Variants in ATP2C1 observed in about 807,000 individuals in gnomAD.
ATP2C1 encodes calcium-transporting ATPase type 2C member 1.
Under a neutral mutation model 120.5 loss-of-function variants are expected in ATP2C1, and 31 were observed. The observed-to-expected ratio is 0.26, with a 90% CI of 0.19 to 0.35. ATP2C1 has a LOEUF of 0.35. Among genes scored for constraint, ATP2C1 ranks in the 10% least tolerant of loss-of-function variants. The probability of loss-of-function intolerance (pLI) is 1.00; values close to 1 mark genes in which losing one functional copy is unlikely to be tolerated. For synonymous variants in ATP2C1, 351 were observed against 358.7 expected, an observed-to-expected ratio of 0.98 and a Z score of 0.24; for missense variants, 731 against 1,107.5, an observed-to-expected ratio of 0.66 and a Z score of 4.83.
chr3:130,960,305 G>A (rs533818085), intron 12 of ATP2C1, among the ~76,000 whole-genome samples: 9 of 152,246 alleles, frequency 5.9e-5, no homozygotes, highest in East Asian at 3.9e-4. Context: ...CTGAGAGTCC[G>A]CAGCAGTCCA....
rs186240603 is a variant in ATP2C1, at chr3:131,002,902, A to C, written c.*1552A>C. ...TTTAAGGCTGAATTGTCAAATGTAC[A>C]TTGTTCCATGTCGTTAGATGGAACA... On this transcript the variant is annotated 3_prime_UTR_variant, in exon 28 of 28. Transcript: ENST00000510168. 2.0e-5 allele frequency: 20 copies of C among 985,820 alleles called. No individual in the cohort carries two copies. The East Asian group carries it at 1.9e-3, about 95-fold the overall frequency. 61.1% of individuals were successfully genotyped at this position (985,820 alleles called of 1,614,324 possible).
intron 26 of ATP2C1, among the ~76,000 whole-genome samples, chr3:131,008,822 G>A (rs1244840765): frequency 6.6e-6 from 1 of 152,186 alleles, no homozygotes; most frequent in Non-Finnish European, 1.5e-5. Context: ...CAGATTTGAT[G>A]TCAGTGACTA....
chr3:130,937,481 C>A lies in ATP2C1; in HGVS notation c.360+18C>A. On this transcript the variant is annotated intron_variant, in intron 6 of 27. Coordinates refer to ENST00000510168, the MANE Select transcript of ATP2C1 (RefSeq NM_001378687.1). ...TTGTTCAGGTAAGTACTCTATTTTGCCAACATGAAAATGGTATGTTAATTG... is the reference window on the plus strand; with the variant it reads ...TTGTTCAGGTAAGTACTCTATTTTGACAACATGAAAATGGTATGTTAATTG... 1 of 1,608,800 alleles carries A rather than the reference C, an allele frequency of 6.2e-7. No individual in the cohort carries two copies. The highest frequency in any genetic ancestry group is 8.5e-7 in the Non-Finnish European group (1 of 1,175,212).
At chr3:130,929,080 A>G (rs905266797) in intron 2 of ATP2C1, among the ~76,000 whole-genome samples, 3 of 152,180 alleles carry the variant, frequency 2.0e-5, no homozygotes, top group African/African-American at 7.2e-5. Context: ...TTTCTTAATT[A>G]TGTAAAAATA....
In ATP2C1 at chr3:130,999,581, T is replaced by A. The variant is rs1201303058; in HGVS notation, c.2551T>A (p.Ser851Thr). The A allele has an allele frequency of 1.2e-6, 2 of 1,613,532 alleles. No homozygotes were observed. The highest frequency in any genetic ancestry group is 8.5e-7 in the Non-Finnish European group (1 of 1,179,718). Residue 851 changes from serine (S) to threonine (T), a missense_variant, in exon 27 of 28, where the codon TCC becomes ACC. Around this residue, in one of 3 missense-constraint regions of ATP2C1, gnomAD observed 141 missense variants for 201.6 expected, o/e 0.70. Coordinates refer to ENST00000510168, the MANE Select transcript of ATP2C1 (RefSeq NM_001378687.1). ...AATGTTTTGCTATGCAGTTCTTGGA[T>A]CCATCATGGGACAATTACTAGTTAT... ...NRMFCYAVLG[S>T]IMGQLLVIYF... is the part of the protein sequence containing the mutation.
chr3:131,008,819 G>C (rs983091775), intron 26 of ATP2C1, among the ~76,000 whole-genome samples: 14 of 152,160 alleles, frequency 9.2e-5, no homozygotes, highest in African/African-American at 3.1e-4. Flanking sequence ...TAGCAGATTT[G>C]ATGTCAGTGA....
intron 1 of ATP2C1, among the ~76,000 whole-genome samples, chr3:130,860,087 G>T (rs2067967608): frequency 6.6e-6 from 1 of 152,206 alleles, no homozygotes; most frequent in East Asian, 1.9e-4. Context: ...TTTGGATACT[G>T]CCCTAATACA....
chr3:130,948,205 A>G (rs1576838529), intron 8 of ATP2C1, among the ~76,000 whole-genome samples: 4 of 152,164 alleles, frequency 2.6e-5, no homozygotes. Flanking sequence ...ATTTCAGCCT[A>G]AAGGGCTGTC....
chr3:130,877,412 A>C lies in ATP2C1; in HGVS notation c.108+26484A>C, dbSNP rs185878438. Among the ~76,000 whole-genome samples, 354 of 152,348 alleles carry C rather than the reference A, an allele frequency of 2.3e-3. 7 individuals are homozygous for C. Among genetic ancestry groups the C allele is most frequent in the Non-Finnish European group, 5.0e-4 (34 of 68,030 alleles). ...CATCTGACAAAGGGCTAATATCCAG[A>C]ATCTACCAAGGACTTAAACAAATTT... is the stretch of plus-strand genomic sequence containing the variant. On this transcript the variant is annotated intron_variant, in intron 1 of 26. Coordinates refer to the ATP2C1 transcript ENST00000504381.
exon 1 of ATP2C1, chr3:130,850,722 A>G: frequency 1.8e-6 from 1 of 543,682 alleles, no homozygotes; most frequent in Non-Finnish European, 3.1e-6. Flanking sequence ...TTGTCGAGCT[A>G]CAAACAAATC....
chr3:130,912,279 G>A (rs1424338233), intron 2 of ATP2C1, among the ~76,000 whole-genome samples: 1 of 146,270 alleles, frequency 6.8e-6, no homozygotes, highest in Non-Finnish European at 1.5e-5. Flanking sequence ...AAGAGCTTCT[G>A]CACAGCAAAA....
intron 17 of ATP2C1, among the ~76,000 whole-genome samples, chr3:130,973,467 CA>C (rs548535706): frequency 4.9e-4 from 75 of 152,200 alleles, no homozygotes; most frequent in Non-Finnish European, 9.7e-4. Context: ...TGCCTGAAAC[CA>C]TGAATAATAT....
At chr3:131,016,450 C>T in exon 27 of ATP2C1, 1 of 1,248,350 alleles carries the variant, frequency 8.0e-7, no homozygotes. Context: ...TTTAAAAAAA[C>T]TAAGATGTTT....
chr3:130,977,146 A>C (rs139387409), intron 18 of ATP2C1, among the ~76,000 whole-genome samples: 2 of 152,122 alleles, frequency 1.3e-5, no homozygotes, highest in Non-Finnish European at 2.9e-5. Flanking sequence ...CCACAAAATT[A>C]GGGTTTGGAT....
Position 130,925,965 on chromosome 3 carries a change from C to T in ATP2C1, c.7-4451C>T, listed in dbSNP as rs186615696. ...GCAACCTGTGGTCTTAAAGGCTGGT[C>T]TCACTTCCATCATGCCTCCCCAACA... On this transcript the variant is annotated intron_variant, in intron 2 of 27. Transcript: ENST00000510168. Among the ~76,000 whole-genome samples, 544 of 152,286 alleles carry T rather than the reference C, an allele frequency of 3.6e-3. 1 individual carries two copies. Among genetic ancestry groups the T allele is most frequent in the Non-Finnish European group, 5.1e-3 (348 of 68,022 alleles).
chr3:130,959,174 C>A (rs574157070), intron 11 of ATP2C1, 101 bp from the exon 12 acceptor site: 2 of 814,652 alleles, frequency 2.5e-6, no homozygotes, highest in Non-Finnish European at 4.1e-6. Flanking sequence ...GATATGCTTT[C>A]CCTTTTTTGT....
At chr3:130,971,655 G>T (rs1434568851) in intron 17 of ATP2C1, among the ~76,000 whole-genome samples, 1 of 152,132 alleles carries the variant, frequency 6.6e-6, no homozygotes, top group Admixed American at 6.6e-5. Flanking sequence ...ACCTTTGAAG[G>T]CAGGGAGTAA....
chr3:130,856,919 C>T (rs1025442233), intron 1 of ATP2C1, among the ~76,000 whole-genome samples: 3 of 152,202 alleles, frequency 2.0e-5, no homozygotes, highest in Non-Finnish European at 2.9e-5. Context: ...TCCTACTGCT[C>T]AAGGCCATCG....
chr3:130,940,295 A>C (rs575638076), intron 6 of ATP2C1, among the ~76,000 whole-genome samples: 1 of 152,254 alleles, frequency 6.6e-6, no homozygotes, highest in Non-Finnish European at 1.5e-5. Context: ...ACATAAGATT[A>C]TCTAAATTTT....
Sources: allele counts gnomAD v4.1 joint callset (sites outside exome capture counted in the v4.1 genomes callset), GRCh38; gene constraint gnomAD v4.1.1; regional missense constraint gnomAD v4.1.1; transcripts MANE v1.5; gene names NCBI Gene and HGNC (gene_info 2026-07-23, HGNC 2026-07-21).